Variants in IL1RAP observed in about 807,000 individuals in gnomAD.
IL1RAP encodes the protein interleukin-1 receptor accessory protein.
Under a neutral mutation model 60.7 loss-of-function variants are expected in IL1RAP, and 35 were observed. That is an observed-to-expected ratio of 0.58 (90% CI 0.44 to 0.76). IL1RAP has a LOEUF of 0.76. Among genes scored for constraint, IL1RAP ranks in the 30% least tolerant of loss-of-function variants. IL1RAP has a pLI of 0.00. For missense variants in IL1RAP, 572 were observed against 693.9 expected (o/e 0.82, Z 1.97); for synonymous variants, 268 against 250.9 (o/e 1.07, Z -0.64).
chr3:190,548,511 T>G (rs1392453985), intron 1 of IL1RAP, among the ~76,000 whole-genome samples: 1 of 152,188 alleles, frequency 6.6e-6, no homozygotes, highest in East Asian at 1.9e-4. Flanking sequence ...GAAATGTTAT[T>G]CCTACTACCC....
chr3:190,656,392 T>C (rs1244125564), downstream of IL1RAP: 7 of 1,537,208 alleles, frequency 4.6e-6, no homozygotes, highest in Non-Finnish European at 6.1e-6. Context: ...TGTCACCTAC[T>C]GTGAAGGAGA....
intron 1 of IL1RAP, among the ~76,000 whole-genome samples, chr3:190,541,425 A>T (rs1329806161): frequency 6.6e-6 from 1 of 152,162 alleles, no homozygotes; most frequent in Non-Finnish European, 1.5e-5. Context: ...TATGCTTCTT[A>T]GTTTTAATTT....
At chr3:190,648,217 A>G in intron 11 of IL1RAP, 121 bp from the exon 12 acceptor site, 1 of 1,291,520 alleles carries the variant, frequency 7.7e-7, no homozygotes. Flanking sequence ...TTTTGCTGGT[A>G]AAATGTTTCA....
chr3:190,613,160 A>G (rs1454350366), intron 5 of IL1RAP, among the ~76,000 whole-genome samples: 1 of 148,898 alleles, frequency 6.7e-6, no homozygotes, highest in Admixed American at 6.8e-5. Flanking sequence ...AGAAGACAGC[A>G]TATTTCTTGA....
At chr3:190,526,631 C>T (rs777195141) in intron 1 of IL1RAP, among the ~76,000 whole-genome samples, 2 of 152,144 alleles carry the variant, frequency 1.3e-5, no homozygotes, top group African/African-American at 2.4e-5. Context: ...GTTGTTGGCA[C>T]AAATGTAGGG....
chr3:190,653,828 A>G (rs1276369175), downstream of IL1RAP, among the ~76,000 whole-genome samples: 1 of 152,228 alleles, frequency 6.6e-6, no homozygotes, highest in Non-Finnish European at 1.5e-5. Flanking sequence ...GTCCTCAAAT[A>G]TGAAGTTTTG....
intron 1 of IL1RAP, among the ~76,000 whole-genome samples, chr3:190,530,660 G>A (rs1331997484): frequency 6.6e-6 from 1 of 152,174 alleles, no homozygotes; most frequent in Non-Finnish European, 1.5e-5. Context: ...TACACAATTA[G>A]AACATCGGCT....
intron 3 of IL1RAP, among the ~76,000 whole-genome samples, chr3:190,591,069 T>G (rs1287144021): frequency 6.6e-6 from 1 of 152,188 alleles, no homozygotes; most frequent in Non-Finnish European, 1.5e-5. Flanking sequence ...CTCAGACACT[T>G]TGTCACAGGT....
chr3:190,639,344 C>T (rs868819235), intron 9 of IL1RAP, among the ~76,000 whole-genome samples: 1 of 152,036 alleles, frequency 6.6e-6, no homozygotes, highest in South Asian at 2.1e-4. Context: ...CATCCTTTTC[C>T]CTGCTCTGTG....
chr3:190,600,999 T>G (rs1729808048), intron 3 of IL1RAP, among the ~76,000 whole-genome samples: 1 of 152,242 alleles, frequency 6.6e-6, no homozygotes. Context: ...TCTTTTCTTT[T>G]TTTGAAACAG....
chr3:190,659,070 A>C (rs1204303988), exon 12 of IL1RAP: 1 of 152,224 alleles, frequency 6.6e-6, no homozygotes, highest in Non-Finnish European at 1.5e-5. Flanking sequence ...AGCGGCTCCG[A>C]AGCTCAAGGA....
At chr3:190,595,242 A>C (rs142458360) in intron 3 of IL1RAP, among the ~76,000 whole-genome samples, 1 of 152,322 alleles carries the variant, frequency 6.6e-6, no homozygotes, top group Admixed American at 6.5e-5. Context: ...TGCTCAGTAC[A>C]TAGTTTTTTA....
intron 9 of IL1RAP, among the ~76,000 whole-genome samples, chr3:190,631,698 A>G (rs972578344): frequency 6.6e-6 from 1 of 152,230 alleles, no homozygotes; most frequent in African/African-American, 2.4e-5. Context: ...AGAGAAAGAC[A>G]CTGGTGTAGG....
chr3:190,626,733 C>G (rs948662086), intron 7 of IL1RAP, among the ~76,000 whole-genome samples: 2 of 142,524 alleles, frequency 1.4e-5, no homozygotes, highest in African/African-American at 2.7e-5. Flanking sequence ...TGCAGTGGCA[C>G]AGTCTTGGCT....
At chr3:190,617,322 A>G (rs1309972638) in intron 5 of IL1RAP, among the ~76,000 whole-genome samples, 1 of 152,188 alleles carries the variant, frequency 6.6e-6, no homozygotes, top group Non-Finnish European at 1.5e-5. Context: ...TTACTTCATC[A>G]TGACATTCCT....
intron 1 of IL1RAP, among the ~76,000 whole-genome samples, chr3:190,554,942 G>A (rs1288631712): frequency 6.6e-6 from 1 of 152,170 alleles, no homozygotes; most frequent in Non-Finnish European, 1.5e-5. Context: ...GTTTTGTAGA[G>A]AAATCTATGA....
rs1734322349 is a variant in IL1RAP, at chr3:190,650,372, TCGGGCATTA to T, written c.*1668_*1676del. On this transcript the variant is annotated 3_prime_UTR_variant, in exon 12 of 12. Coordinates refer to ENST00000447382, the MANE Select transcript of IL1RAP (RefSeq NM_002182.4). ...GTCACTGCTAAGCAGTAGCCAGCCATCGGGCATTAATTGATTTCCTACTATATTCCCAGC... is the reference window on the plus strand; with the variant it reads ...GTCACTGCTAAGCAGTAGCCAGCCATATTGATTTCCTACTATATTCCCAGC... 2.0e-6 allele frequency: 2 copies of T among 985,444 alleles called. No individual in the cohort carries two copies. The highest frequency in any genetic ancestry group is 1.7e-5 in the African/African-American group (1 of 57,360). The allele number at this position is 985,444 out of a possible 1,614,324, so 61.0% of individuals were successfully genotyped here. A position where few individuals can be genotyped will look rare whatever the true frequency, so the allele number is the denominator to read the frequency against.
chr3:190,524,241 A>G (rs1463141621), intron 1 of IL1RAP, among the ~76,000 whole-genome samples: 2 of 152,076 alleles, frequency 1.3e-5, no homozygotes, highest in Admixed American at 6.6e-5. Flanking sequence ...TTCCTTCTAG[A>G]TGCTGGATAT....
intron 2 of IL1RAP, among the ~76,000 whole-genome samples, chr3:190,561,397 CAGGG>C (rs1725877849): frequency 6.6e-6 from 1 of 152,178 alleles, no homozygotes; most frequent in Non-Finnish European, 1.5e-5. Context: ...TAATTCATCA[CAGGG>C]CAGGACTGGC....
Sources: gnomAD v4.1 joint callset for allele counts (sites outside exome capture counted in the v4.1 genomes callset) on GRCh38, gnomAD v4.1.1 for gene constraint, MANE v1.5 for transcripts, NCBI Gene and HGNC (gene_info 2026-07-23, HGNC 2026-07-21) for gene names.